AQR: variants seen among roughly 807,000 people sequenced by gnomAD.
AQR encodes the protein aquarius intron-binding spliceosomal factor.
AQR carries 61 observed loss-of-function variants against 180.5 expected under a neutral mutation model. The ratio of observed to expected loss-of-function variants is 0.34; its 90% CI spans 0.28 to 0.42. The LOEUF is 0.42. Among genes scored for constraint, AQR ranks in the 10% least tolerant of loss-of-function variants. The pLI is 1.00. For synonymous variants in AQR, 551 were observed against 588.8 expected (o/e 0.94, Z 0.93); for missense variants, 1,281 against 1,798.3 (o/e 0.71, Z 5.20).
intron 29 of AQR, 49 bp downstream of exon 29, chr15:34,874,628 G>A (rs1892866507): frequency 1.9e-6 from 3 of 1,596,788 alleles, no homozygotes; most frequent in African/African-American, 1.4e-5. Context: ...CTTGGATCAT[G>A]GAACAAATGT....
intron 20 of AQR, among the ~76,000 whole-genome samples, chr15:34,900,161 G>C (rs779172222): frequency 3.9e-5 from 6 of 152,092 alleles, no homozygotes; most frequent in Non-Finnish European, 7.4e-5. Flanking sequence ...TGAAGTCACT[G>C]GGATTATATG....
intron 17 of AQR, 111 bp from the exon 18 acceptor site, chr15:34,906,823 T>C (rs1893426360): frequency 1.0e-6 from 1 of 974,536 alleles, no homozygotes; most frequent in East Asian, 2.6e-5. Flanking sequence ...AGAGATACCG[T>C]TGAGTGACCA....
rs114001302 is a variant in AQR at position 34,882,658 on chromosome 15, A to G, written c.3028-19T>C. ...TGAATTCCTATGGAAACGAGGAGCA[A>G]TGAAAGATAATTTTAGGAAAACGGA... is the stretch of plus-strand genomic sequence containing the variant. On this transcript the variant is annotated intron_variant, in intron 26 of 34. Coordinates refer to ENST00000156471, the MANE Select transcript of AQR (RefSeq NM_014691.3). 2,608 of 1,588,928 alleles carry G rather than the reference A, an allele frequency of 1.6e-3. 22 individuals carry two copies. The African/African-American group carries it at 0.024, about 15-fold the overall frequency.
Position 34,934,561 on chromosome 15 carries a change from G to C in AQR, c.783+10C>G. On this transcript the variant is annotated intron_variant, in intron 10 of 34. Coordinates refer to ENST00000156471, the MANE Select transcript of AQR (RefSeq NM_014691.3). ...ATTATATAACAAAAAAGTCACGGTAGATTTCTTACCTCTAGATCAATCATA... is the reference window on the plus strand; with the variant it reads ...ATTATATAACAAAAAAGTCACGGTACATTTCTTACCTCTAGATCAATCATA... 6.4e-7 allele frequency: 1 copy of C among 1,574,240 alleles called. No homozygotes were observed. Among genetic ancestry groups the C allele is most frequent in the Non-Finnish European group, 8.6e-7 (1 of 1,165,050 alleles).
chr15:34,857,141 T>C, intron 34 of AQR, 35 bp from the exon 35 acceptor site: 7 of 1,506,358 alleles, frequency 4.6e-6, no homozygotes, highest in Non-Finnish European at 6.2e-6. Context: ...ACAATACCAA[T>C]ATGAAAAACA....
chr15:34,935,921 C>T (rs1274482878), intron 9 of AQR, among the ~76,000 whole-genome samples: 1 of 152,066 alleles, frequency 6.6e-6, no homozygotes, highest in Admixed American at 6.5e-5. Flanking sequence ...CATTTTTTCC[C>T]AAACTAAAAG....
In AQR at chr15:34,964,269, G is replaced by A. The variant is rs2050297827; in HGVS notation, c.97C>T (p.Pro33Ser). The A allele has an allele frequency of 1.2e-6, 2 of 1,608,418 alleles. No homozygotes were observed. The highest frequency in any genetic ancestry group is 1.7e-6 in the Non-Finnish European group (2 of 1,176,166). ...AAAGGTGATTTCTTCTTGATGTGGG[G>A]AGCCCAGTATTTACATGCTAACTGC... ...VTQLACKYWA[P>S]HIKKKSPFDI... The change falls in exon 2 of 35, where the codon CCC becomes TCC. Residue 33 changes from proline to serine, a missense_variant. By Grantham distance (74) the Pro-to-Ser change is moderately conservative. Coordinates refer to ENST00000156471, the MANE Select transcript of AQR (RefSeq NM_014691.3).
At chr15:34,937,220 G>A (rs7182656) in intron 9 of AQR, among the ~76,000 whole-genome samples, 2,908 of 150,704 alleles carry the variant, frequency 0.019, 93 homozygotes, top group African/African-American at 0.067. Context: ...TGTCTTTTTA[G>A]TAGAAACGGG....
At chr15:34,908,456 T>C (rs577109766) in intron 17 of AQR, among the ~76,000 whole-genome samples, 1 of 152,056 alleles carries the variant, frequency 6.6e-6, no homozygotes, top group Non-Finnish European at 1.5e-5. Context: ...AAATGTATTA[T>C]TGTTTACAGA....
At chr15:34,968,130 C>T (rs977513221) in intron 1 of AQR, among the ~76,000 whole-genome samples, 2 of 151,130 alleles carry the variant, frequency 1.3e-5, no homozygotes, top group African/African-American at 4.9e-5. Flanking sequence ...TTAAGGACAG[C>T]CAGCCTTAGT....
intron 5 of AQR, among the ~76,000 whole-genome samples, chr15:34,945,355 T>C (rs745316465): frequency 1.3e-5 from 2 of 152,240 alleles, no homozygotes; most frequent in Admixed American, 6.5e-5. Flanking sequence ...ATATATTATA[T>C]TCATTTGCCC....
At chr15:34,918,135 G>A in intron 15 of AQR, 123 bp downstream of exon 15, 1 of 1,004,904 alleles carries the variant, frequency 1.0e-6, no homozygotes. Flanking sequence ...TTAACTTCTG[G>A]GCACCAGGAA....
chr15:34,954,291 T>C (rs530471013), intron 3 of AQR, among the ~76,000 whole-genome samples: 2 of 152,086 alleles, frequency 1.3e-5, no homozygotes, highest in South Asian at 4.2e-4. Flanking sequence ...TTATGATAAC[T>C]AGACAAGTGA....
chr15:34,871,815 T>C (rs1243251321), intron 30 of AQR, among the ~76,000 whole-genome samples: 3 of 152,060 alleles, frequency 2.0e-5, no homozygotes, highest in African/African-American at 7.2e-5. Context: ...AATTACAGAC[T>C]AGAAAGGAGC....
intron 17 of AQR, among the ~76,000 whole-genome samples, chr15:34,908,828 A>G (rs529958829): frequency 9.8e-5 from 15 of 152,318 alleles, no homozygotes; most frequent in African/African-American, 3.1e-4. Flanking sequence ...AATTCCAACT[A>G]TCTACTACTT....
At chr15:34,952,838 C>T in intron 4 of AQR, 47 bp downstream of exon 4, 1 of 1,326,056 alleles carries the variant, frequency 7.5e-7, no homozygotes, top group Non-Finnish European at 1.1e-6. Flanking sequence ...TTAGCTAAAA[C>T]TGAAATCACA....
At chr15:34,957,633 G>A (rs57271236) in intron 3 of AQR, among the ~76,000 whole-genome samples, 16,884 of 149,880 alleles carry the variant, frequency 0.11, 1,299 homozygotes, top group East Asian at 0.27. Context: ...CCTGGGAGGT[G>A]GAGGTTGCGG....
chr15:34,962,510 T>C (rs537344535), intron 2 of AQR, among the ~76,000 whole-genome samples: 1 of 152,278 alleles, frequency 6.6e-6, no homozygotes, highest in Non-Finnish European at 1.5e-5. Context: ...GGCTCAAGCC[T>C]GTAATCCCAC....
intron 23 of AQR, among the ~76,000 whole-genome samples, chr15:34,891,740 G>C (rs919001055): frequency 6.6e-6 from 1 of 150,834 alleles, no homozygotes; most frequent in Non-Finnish European, 1.5e-5. Context: ...TTTATAAACA[G>C]AAGAAAAAAA....
Sources: gnomAD v4.1 joint callset for allele counts (sites outside exome capture counted in the v4.1 genomes callset) on GRCh38, gnomAD v4.1.1 for gene constraint, MANE v1.5 for transcripts, NCBI Gene and HGNC (gene_info 2026-07-23, HGNC 2026-07-21) for gene names.